Variants in CEP112 observed in about 807,000 individuals in gnomAD.
CEP112 encodes centrosomal protein of 112 kDa.
In CEP112, 127 loss-of-function variants were observed where a neutral mutation model predicts 153.0. That is an observed-to-expected ratio of 0.83 (90% CI 0.72 to 0.96). The LOEUF is 0.96. Among genes scored for constraint, CEP112 ranks in the 40% least tolerant of loss-of-function variants. The probability of loss-of-function intolerance (pLI) is 0.00; values close to 1 mark genes in which losing one functional copy is unlikely to be tolerated. For synonymous variants in CEP112, 358 were observed against 374.4 expected (o/e 0.96, Z 0.51); for missense variants, 1,089 against 1,101.2 (o/e 0.99, Z 0.16).
chr17:65,805,984 GA>G (rs914608800), intron 21 of CEP112, among the ~76,000 whole-genome samples: 4 of 152,096 alleles, frequency 2.6e-5, no homozygotes, highest in African/African-American at 7.2e-5. Flanking sequence ...CACAAAAGCA[GA>G]AAAAAATATT....
chr17:65,971,611 T>TG (rs1568320764), intron 17 of CEP112, among the ~76,000 whole-genome samples: 5 of 147,456 alleles, frequency 3.4e-5, no homozygotes, highest in African/African-American at 1.3e-4. Flanking sequence ...TGTGTGCATA[T>TG]TATATGTATA....
chr17:66,082,775 A>AC (rs2067771414), intron 8 of CEP112, among the ~76,000 whole-genome samples: 1 of 151,842 alleles, frequency 6.6e-6, no homozygotes, highest in African/African-American at 2.4e-5. Flanking sequence ...AAAAAAAAAA[A>AC]AATTTTTATA....
At chr17:65,713,200 T>A (rs1250031698) in intron 23 of CEP112, among the ~76,000 whole-genome samples, 2 of 152,184 alleles carry the variant, frequency 1.3e-5, no homozygotes, top group Non-Finnish European at 2.9e-5. Context: ...GGTGTGTCTT[T>A]CTACCAGCTA....
chr17:65,678,718 A>T (rs1426765202), intron 24 of CEP112, among the ~76,000 whole-genome samples: 1 of 152,176 alleles, frequency 6.6e-6, no homozygotes, highest in East Asian at 1.9e-4. Context: ...ACAATGTAGA[A>T]AATGCTTTAT....
In CEP112 at chr17:65,664,540, G is replaced by T. The variant is rs547685244; in HGVS notation, c.2698-23475C>A. Among the ~76,000 whole-genome samples, 23 of 152,280 alleles carry T rather than the reference G, an allele frequency of 1.5e-4. No homozygotes were observed. In the South Asian group the frequency reaches 3.9e-3, roughly 26 times the overall value. On this transcript the variant is annotated intron_variant, in intron 24 of 26. Coordinates refer to ENST00000535342, the MANE Select transcript of CEP112 (RefSeq NM_001199165.4). ...AGACCATTTTGTCCAAATCCAAGGTGATTAAGAGTCAAAGATGTCCATGGG... is the reference window on the plus strand; with the variant it reads ...AGACCATTTTGTCCAAATCCAAGGTTATTAAGAGTCAAAGATGTCCATGGG...
intron 20 of CEP112, among the ~76,000 whole-genome samples, chr17:65,886,180 T>C (rs959532096): frequency 1.3e-5 from 2 of 152,214 alleles, no homozygotes; most frequent in East Asian, 1.9e-4. Context: ...AAACCAACCA[T>C]GTTCCTAACT....
intron 12 of CEP112, among the ~76,000 whole-genome samples, chr17:66,030,858 C>T (rs1387195633): frequency 6.6e-6 from 1 of 152,094 alleles, no homozygotes; most frequent in African/African-American, 2.4e-5. Context: ...TATGATGTTG[C>T]ACTCAACTAT....
At chr17:65,750,990 T>C (rs1457258774) in intron 21 of CEP112, 2 of 353,318 alleles carry the variant, frequency 5.7e-6, no homozygotes, top group East Asian at 4.5e-5. Flanking sequence ...GAGACAGAAA[T>C]AGACACAGCA....
intron 20 of CEP112, among the ~76,000 whole-genome samples, chr17:65,894,641 A>T (rs1771584068): frequency 6.6e-6 from 1 of 152,106 alleles, no homozygotes; most frequent in African/African-American, 2.4e-5. Flanking sequence ...AAAAAACCAT[A>T]CCTTACCACT....
intron 23 of CEP112, among the ~76,000 whole-genome samples, chr17:65,738,876 G>T (rs769156972): frequency 3.4e-4 from 52 of 152,202 alleles, no homozygotes; most frequent in Non-Finnish European, 7.1e-4. Flanking sequence ...ATTTAAAATG[G>T]CCTCAAATTC....
rs36045801 is a variant in CEP112 at position 65,888,499 on chromosome 17, C to CTT, written c.2163+13651_2163+13652dup. ...GATTCAATTTCATCTTTAAGATGAT[C>CTT]TTTTTTTTTTACCATATATCATTAT... On this transcript the variant is annotated intron_variant, in intron 20 of 26. Coordinates refer to ENST00000535342, the MANE Select transcript of CEP112 (RefSeq NM_001199165.4). Among the ~76,000 whole-genome samples the CTT allele has an allele frequency of 2.8e-3, 417 of 149,958 alleles. 2 individuals are homozygous for CTT. Among genetic ancestry groups the CTT allele is most frequent in the African/African-American group, 6.1e-3 (249 of 40,816 alleles).
At chr17:65,722,723 G>A (rs893361583) in intron 23 of CEP112, among the ~76,000 whole-genome samples, 9 of 152,220 alleles carry the variant, frequency 5.9e-5, no homozygotes, top group African/African-American at 1.9e-4. Flanking sequence ...GGATGAGAGA[G>A]AACACGATGT....
In CEP112 at chr17:65,853,901, T is replaced by C. The variant is rs577027932; in HGVS notation, c.2164-1867A>G. Among the ~76,000 whole-genome samples the C allele has an allele frequency of 2.0e-5, 3 of 152,320 alleles. No homozygotes were observed. The South Asian group carries it at 6.2e-4, about 32-fold the overall frequency. ...ATTAATTCTTTGCAAATTTTGAGAATGTTTGATGGCAAGTTATGTAGCCAA... is the reference window on the plus strand; with the variant it reads ...ATTAATTCTTTGCAAATTTTGAGAACGTTTGATGGCAAGTTATGTAGCCAA... On this transcript the variant is annotated intron_variant, in intron 20 of 26. Transcript: ENST00000535342.
Position 65,887,953 on chromosome 17 carries a change from C to T in CEP112, c.2163+14199G>A, listed in dbSNP as rs147511832. ...CAAAGCAGGTAAAGTTTGCCTTAAG[C>T]GTCTTTCTACCCCCTTGTTTGCACT... On this transcript the variant is annotated intron_variant, in intron 20 of 26. Transcript: ENST00000535342. Among the ~76,000 whole-genome samples the T allele has an allele frequency of 1.4e-3, 213 of 152,200 alleles. 1 individual carries two copies. Among genetic ancestry groups the T allele is most frequent in the Non-Finnish European group, 1.9e-3 (128 of 68,000 alleles).
chr17:66,025,429 ACAACAG>A (rs1176421402), intron 16 of CEP112, among the ~76,000 whole-genome samples: 1 of 152,062 alleles, frequency 6.6e-6, no homozygotes, highest in African/African-American at 2.4e-5. Context: ...AAACAACTCA[ACAACAG>A]CAACAGCAAC....
At chr17:66,010,421 T>C (rs574615373) in intron 16 of CEP112, among the ~76,000 whole-genome samples, 2 of 152,316 alleles carry the variant, frequency 1.3e-5, no homozygotes, top group East Asian at 1.9e-4. Context: ...ATATTTGACT[T>C]CCTCTCTTCC....
At chr17:65,966,388 T>C (rs73336688) in intron 17 of CEP112, among the ~76,000 whole-genome samples, 10,034 of 152,282 alleles carry the variant, frequency 0.066, 480 homozygotes, top group African/African-American at 0.12. Context: ...TTTGAAAATC[T>C]TCCTTTTGCA....
chr17:66,189,255 C>T (rs917370799), intron 1 of CEP112, among the ~76,000 whole-genome samples: 2 of 152,144 alleles, frequency 1.3e-5, no homozygotes, highest in African/African-American at 2.4e-5. Flanking sequence ...AATCCCAGCA[C>T]GTTGGGAAGC....
intron 17 of CEP112, among the ~76,000 whole-genome samples, chr17:66,002,062 A>T (rs1256585102): frequency 6.6e-6 from 1 of 152,234 alleles, no homozygotes; most frequent in South Asian, 2.1e-4. Flanking sequence ...TTTTAGAAAC[A>T]ATAGCAACAG....
Sources: allele counts gnomAD v4.1 joint callset (sites outside exome capture counted in the v4.1 genomes callset), GRCh38; gene constraint gnomAD v4.1.1; transcripts MANE v1.5; gene names NCBI Gene and HGNC (gene_info 2026-07-23, HGNC 2026-07-21).